Variants in SIRT4 observed in about 807,000 individuals in gnomAD.
SIRT4 encodes NAD-dependent protein lipoamidase sirtuin-4, mitochondrial.
In SIRT4, 23 loss-of-function variants were observed where a neutral mutation model predicts 26.1. That is an observed-to-expected ratio of 0.88 (90% CI 0.63 to 1.25). SIRT4 has a LOEUF of 1.25. SIRT4 is among the 50% of genes most tolerant of loss of function. The probability of loss-of-function intolerance (pLI) is 0.00; values close to 1 mark genes in which losing one functional copy is unlikely to be tolerated. For missense variants in SIRT4, 361 were observed against 405.4 expected, an observed-to-expected ratio of 0.89 and a Z score of 0.94; for synonymous variants, 155 against 158.4, an observed-to-expected ratio of 0.98 and a Z score of 0.16.
rs1189691700 is a variant in SIRT4 at position 120,312,667 on chromosome 12, A to G, written c.709A>G (p.Thr237Ala). 6.2e-7 allele frequency: 1 copy of G among 1,614,014 alleles called. No homozygotes were observed. The highest frequency in any genetic ancestry group is 8.5e-7 in the Non-Finnish European group (1 of 1,180,030). Residue 237 changes from threonine (T) to alanine (A), a missense_variant, in exon 3 of 4, where the codon ACA becomes GCA. Thr to Ala is a moderately conservative substitution (Grantham distance 58). Coordinates refer to ENST00000202967, the MANE Select transcript of SIRT4 (RefSeq NM_012240.3). Reference protein sequence around the residue: ...LKPDVVFFGDTVNPDKVDFVH... With the variant: ...LKPDVVFFGDAVNPDKVDFVH... ...ACCAGATGTCGTTTTCTTCGGGGAC[A>G]CAGTGAACCCTGACAAGGTTGATTT...
Position 120,303,844 on chromosome 12 carries a change from T to C in SIRT4, c.283T>C (p.Phe95Leu). ...TDRRPIQHGD[F>L]VRSAPIRQRY... Reference sequence around the variant, plus strand: ...CCGCAGGCCCATCCAGCATGGTGATTTTGTCCGGAGTGCCCCAATCCGCCA... The same window carrying C: ...CCGCAGGCCCATCCAGCATGGTGATCTTGTCCGGAGTGCCCCAATCCGCCA... Residue 95 changes from phenylalanine to leucine, a missense_variant, in exon 2 of 4, where the codon TTT (phenylalanine) becomes CTT (leucine). By Grantham distance (22) the Phe-to-Leu change is conservative. Coordinates refer to ENST00000202967, the MANE Select transcript of SIRT4 (RefSeq NM_012240.3). The C allele has an allele frequency of 1.9e-6, 3 of 1,614,116 alleles. No homozygotes were observed. Among genetic ancestry groups the C allele is most frequent in the Non-Finnish European group, 2.5e-6 (3 of 1,180,006 alleles).
At chr12:120,309,803 C>G (rs1231242866) in intron 2 of SIRT4, among the ~76,000 whole-genome samples, 2 of 149,340 alleles carry the variant, frequency 1.3e-5, no homozygotes, top group Admixed American at 1.4e-4. Flanking sequence ...GTAACCTCTA[C>G]ATCCTGGGTT....
At position 120,313,165 on chromosome 12, in the gene SIRT4, GA is replaced by G. The variant is rs1398393621; in HGVS notation, c.*131del. On this transcript the variant is annotated 3_prime_UTR_variant, in exon 4 of 4. Transcript: ENST00000202967. ...GAGTAGGGTGCACTGACAAAGTATA[GA>G]AGGTTCTAGGTATCTTAATGTGTGG... The G allele has an allele frequency of 9.9e-7, 1 of 1,007,622 alleles. No homozygotes were observed. Among genetic ancestry groups the G allele is most frequent in the Non-Finnish European group, 1.5e-6 (1 of 671,858 alleles). The allele number at this position is 1,007,622 out of a possible 1,614,324, so 62.4% of individuals were successfully genotyped here. A position where few individuals can be genotyped will look rare whatever the true frequency, so the allele number is the denominator to read the frequency against.
At position 120,304,041 on chromosome 12, in the gene SIRT4, C is replaced by T; in HGVS notation, c.480C>T (p.Leu160=). The T allele has an allele frequency of 6.2e-7, 1 of 1,608,524 alleles. No individual in the cohort carries two copies. The highest frequency in any genetic ancestry group is 8.5e-7 in the Non-Finnish European group (1 of 1,179,974). ...TKAGSRRLTE[L]HGCMDRVLCL... is the part of the protein sequence containing the mutation. Reference sequence around the variant, plus strand: ...CGGGGAGTCGGCGCCTGACAGAGCTCCACGGATGCATGGACAGGTGCAGGA... The same window carrying T: ...CGGGGAGTCGGCGCCTGACAGAGCTTCACGGATGCATGGACAGGTGCAGGA... The change falls in exon 2 of 4, where the codon CTC becomes CTT. Residue 160 remains leucine, a synonymous_variant. Coordinates refer to ENST00000202967, the MANE Select transcript of SIRT4 (RefSeq NM_012240.3).
At chr12:120,293,041 A>AT in the SIRT4 span, 1 of 150,658 alleles carries the variant, frequency 6.6e-6, no homozygotes, top group African/African-American at 2.5e-5. Flanking sequence ...TCCCAAAACC[A>AT]AGCACCCCCA....
At chr12:120,308,498 G>C (rs1430921924) in intron 2 of SIRT4, among the ~76,000 whole-genome samples, 1 of 152,116 alleles carries the variant, frequency 6.6e-6, no homozygotes, top group East Asian at 1.9e-4. Flanking sequence ...GGGTACAGGG[G>C]GCTTGAGATT....
intron 2 of SIRT4, among the ~76,000 whole-genome samples, chr12:120,304,823 ATATATATATATATTT>A (rs1457024205): frequency 0.01 from 78 of 7,774 alleles, no homozygotes; most frequent in Admixed American, 0.025. Context: ...ATATATATAT[ATATATATATATATTT>A]TTTTTTTTTT....
rs199859894 is a variant in SIRT4, at chr12:120,303,612, C to T, written c.51C>T (p.Ile17=). The part of the protein sequence containing the change: ...LTFRSAKGRW[I]ANPSQPCSKA... ...TCAGGTCAGCAAAAGGCCGTTGGAT[C>T]GCAAACCCCAGCCAGCCGTGCTCGA... Residue 17 remains isoleucine (I), a synonymous_variant, in exon 2 of 4, where the codon ATC becomes ATT. Coordinates refer to ENST00000202967, the MANE Select transcript of SIRT4 (RefSeq NM_012240.3). The T allele has an allele frequency of 1.9e-6, 3 of 1,613,832 alleles. No individual in the cohort carries two copies. The highest frequency in any genetic ancestry group is 2.5e-6 in the Non-Finnish European group (3 of 1,179,998).
rs1474750780 is a variant in SIRT4 at position 120,303,472 on chromosome 12, C to T, written c.-1-89C>T. The T allele has an allele frequency of 2.8e-6, 4 of 1,451,078 alleles. No individual in the cohort carries two copies. The African/African-American group carries it at 5.7e-5, about 21-fold the overall frequency. The allele number at this position is 1,451,078 out of a possible 1,614,324, so 89.9% of individuals were successfully genotyped here. A position where few individuals can be genotyped will look rare whatever the true frequency, so the allele number is the denominator to read the frequency against. On this transcript the variant is annotated intron_variant, in intron 1 of 3. Coordinates refer to ENST00000202967, the MANE Select transcript of SIRT4 (RefSeq NM_012240.3). ...CCTGGGCAACAGAGGGAGACTCTGT[C>T]TCAAAAAACAAAACGAAAACAAACA...
intron 2 of SIRT4, among the ~76,000 whole-genome samples, chr12:120,311,926 AT>A (rs1872993829): frequency 1.3e-5 from 2 of 152,008 alleles, no homozygotes; most frequent in Non-Finnish European, 2.9e-5. Context: ...CAGGCAAGGC[AT>A]TTGCAGTCAT....
At chr12:120,304,161 G>T in intron 2 of SIRT4, 103 bp downstream of exon 2, 1 of 1,412,582 alleles carries the variant, frequency 7.1e-7, no homozygotes, top group Non-Finnish European at 9.4e-7. Context: ...TTGAGAAAAG[G>T]ATTTCAGAGC....
intron 2 of SIRT4, among the ~76,000 whole-genome samples, chr12:120,311,192 C>T (rs1872955182): frequency 6.7e-6 from 1 of 148,668 alleles, no homozygotes; most frequent in African/African-American, 2.5e-5. Flanking sequence ...CCCGTCTCTA[C>T]TAAAAATACA....
At chr12:120,312,850 T>C (rs1256676630) in intron 3 of SIRT4, 34 bp from the exon 4 acceptor site, 1 of 1,612,892 alleles carries the variant, frequency 6.2e-7, no homozygotes, top group Non-Finnish European at 8.5e-7. Flanking sequence ...CTAGAGAACC[T>C]AGACATTCTT....
At chr12:120,293,102 G>T in the SIRT4 span, 1 of 152,076 alleles carries the variant, frequency 6.6e-6, no homozygotes, top group Admixed American at 6.6e-5. Context: ...TTCAGTCTCC[G>T]TAGAGACTGT....
At chr12:120,293,092 T>G in the SIRT4 span, 2 of 152,034 alleles carry the variant, frequency 1.3e-5, no homozygotes, top group African/African-American at 2.4e-5. Flanking sequence ...TGCAAGAAAA[T>G]TCAGTCTCCG....
chr12:120,296,653 A>C, the SIRT4 span, among the ~76,000 whole-genome samples: 1 of 151,434 alleles, frequency 6.6e-6, no homozygotes, highest in Non-Finnish European at 1.5e-5. Flanking sequence ...GACTACAGGC[A>C]CACACCACCA....
chr12:120,307,546 AAT>A (rs1351757350), intron 2 of SIRT4, among the ~76,000 whole-genome samples: 36 of 152,172 alleles, frequency 2.4e-4, no homozygotes, highest in Admixed American at 2.2e-3. Flanking sequence ...AGAACTTTGT[AAT>A]ATTTGGGAAG....
chr12:120,295,419 A>ATT, the SIRT4 span, among the ~76,000 whole-genome samples: 13 of 81,304 alleles, frequency 1.6e-4, no homozygotes, highest in African/African-American at 2.9e-4. Context: ...TATATAGATA[A>ATT]TTTTTTTTTT....
intron 2 of SIRT4, among the ~76,000 whole-genome samples, chr12:120,306,365 C>A (rs1005217857): frequency 4.6e-5 from 7 of 151,732 alleles, no homozygotes; most frequent in African/African-American, 1.7e-4. Flanking sequence ...ATCCTAGCGA[C>A]TCGGGAGGCT....
Sources: gnomAD v4.1 joint callset for allele counts (sites outside exome capture counted in the v4.1 genomes callset) on GRCh38, gnomAD v4.1.1 for gene constraint, MANE v1.5 for transcripts, NCBI Gene and HGNC (gene_info 2026-07-23, HGNC 2026-07-21) for gene names.